The following TRIM44 variants were observed in gnomAD, a reference collection of about 807,000 sequenced individuals.
TRIM44 encodes the protein tripartite motif containing 44.
In TRIM44, 13 loss-of-function variants were observed where a neutral mutation model predicts 37.4. That is an observed-to-expected ratio of 0.35 (90% CI 0.23 to 0.55). The LOEUF is 0.55. TRIM44 is among the 20% of genes least tolerant of loss of function. The probability of loss-of-function intolerance (pLI) is 0.89; values close to 1 mark genes in which losing one functional copy is unlikely to be tolerated. For synonymous variants in TRIM44, 175 were observed against 157.2 expected (o/e 1.11, Z -0.85); for missense variants, 426 against 437.2 (o/e 0.97, Z 0.23).
chr11:35,664,162 G>C (rs1354092165), intron 1 of TRIM44, among the ~76,000 whole-genome samples: 5 of 152,160 alleles, frequency 3.3e-5, no homozygotes, highest in South Asian at 4.1e-4. Context: ...TTGCCTACTT[G>C]AAAACATGGG....
intron 4 of TRIM44, among the ~76,000 whole-genome samples, chr11:35,742,159 T>G (rs1852404943): frequency 6.6e-6 from 1 of 151,824 alleles, no homozygotes; most frequent in South Asian, 2.1e-4. Flanking sequence ...CCCAAGCTGG[T>G]TTTGAACTAC....
chr11:35,797,476 A>G (rs1299171193), intron 4 of TRIM44, among the ~76,000 whole-genome samples: 1 of 152,246 alleles, frequency 6.6e-6, no homozygotes, highest in Non-Finnish European at 1.5e-5. Flanking sequence ...GGAATGGGAA[A>G]AAAGAGTAGC....
intron 4 of TRIM44, among the ~76,000 whole-genome samples, chr11:35,782,861 G>A (rs372013025): frequency 4.1e-4 from 62 of 152,324 alleles, no homozygotes; most frequent in African/African-American, 1.3e-3. Flanking sequence ...CAGCCAATCA[G>A]TAGTATCTGC....
At chr11:35,799,591 AC>A (rs949468589) in intron 4 of TRIM44, among the ~76,000 whole-genome samples, 1 of 152,124 alleles carries the variant, frequency 6.6e-6, no homozygotes. Flanking sequence ...CTCATCTCTT[AC>A]CCAAGTTCAG....
At chr11:35,802,255 T>A (rs1246346992) in intron 4 of TRIM44, among the ~76,000 whole-genome samples, 1 of 152,160 alleles carries the variant, frequency 6.6e-6, no homozygotes, top group African/African-American at 2.4e-5. Flanking sequence ...GATAGATAGA[T>A]AAAACACACA....
intron 3 of TRIM44, among the ~76,000 whole-genome samples, chr11:35,730,406 G>A (rs1852241566): frequency 1.3e-5 from 2 of 152,154 alleles, no homozygotes; most frequent in Non-Finnish European, 2.9e-5. Flanking sequence ...AAGGAAAGTA[G>A]AGCTGAAAAA....
At chr11:35,724,783 C>A (rs1040546171) in intron 2 of TRIM44, among the ~76,000 whole-genome samples, 9 of 152,062 alleles carry the variant, frequency 5.9e-5, no homozygotes, top group African/African-American at 2.2e-4. Flanking sequence ...TTGATATAAT[C>A]CAGTATTGGC....
intron 4 of TRIM44, among the ~76,000 whole-genome samples, chr11:35,740,119 A>AC (rs200119579): frequency 0.035 from 4,949 of 140,330 alleles, 379 homozygotes; most frequent in African/African-American, 0.13. Flanking sequence ...AAAAAAAAAA[A>AC]GGTACCTTTG....
At chr11:35,791,637 C>T (rs1224545081) in intron 4 of TRIM44, among the ~76,000 whole-genome samples, 2 of 152,154 alleles carry the variant, frequency 1.3e-5, no homozygotes, top group South Asian at 2.1e-4. Context: ...AGCTGTTTCA[C>T]ATCTTCAAGA....
chr11:35,798,205 C>T (rs1853318194), intron 4 of TRIM44, among the ~76,000 whole-genome samples: 1 of 152,150 alleles, frequency 6.6e-6, no homozygotes, highest in Non-Finnish European at 1.5e-5. Flanking sequence ...TCCACTGAAT[C>T]AAAGGAAGCA....
At position 35,813,468 on chromosome 11, in the gene TRIM44, C is replaced by T. The variant is rs1311614638; in HGVS notation, c.*7083C>T. 6.6e-6 allele frequency: 1 copy of T among 152,154 alleles called. No individual in the cohort carries two copies. The highest frequency in any genetic ancestry group is 1.5e-5 in the Non-Finnish European group (1 of 68,040). The allele number at this position is 152,154 out of a possible 1,614,324, so 9.4% of individuals were successfully genotyped here. On this transcript the variant is annotated 3_prime_UTR_variant, in exon 5 of 5. Transcript: ENST00000299413. The stretch of plus-strand genomic sequence containing the variant: ...ACCTCCTCAGAACCTATTTGCTCTT[C>T]CTTCACACATATTTCTAACTGTAAA...
At chr11:35,774,668 CT>C (rs1223398839) in intron 4 of TRIM44, among the ~76,000 whole-genome samples, 2 of 152,132 alleles carry the variant, frequency 1.3e-5, no homozygotes, top group Admixed American at 6.5e-5. Flanking sequence ...AGGGATCCAG[CT>C]TCAGCTTCCT....
chr11:35,754,400 C>T (rs1852599998), intron 4 of TRIM44, among the ~76,000 whole-genome samples: 2 of 152,238 alleles, frequency 1.3e-5, no homozygotes, highest in South Asian at 4.1e-4. Context: ...GACTCACTGC[C>T]TGTCTCCCCT....
chr11:35,787,212 G>A (rs1853141823), intron 4 of TRIM44, among the ~76,000 whole-genome samples: 1 of 152,196 alleles, frequency 6.6e-6, no homozygotes, highest in Admixed American at 6.5e-5. Context: ...GGCAACTGAA[G>A]GGGTGGCTCT....
intron 1 of TRIM44, among the ~76,000 whole-genome samples, chr11:35,666,322 G>A (rs1177524252): frequency 2.0e-5 from 3 of 152,050 alleles, no homozygotes; most frequent in Admixed American, 6.5e-5. Flanking sequence ...TTAATATCTG[G>A]TAAAGCAGGT....
chr11:35,723,115 C>T lies in TRIM44; in HGVS notation c.748-2809C>T, dbSNP rs551285417. ...TCTCTCTTTCTCTATCTCTCCTTCT[C>T]TTTCTTTTTCTTGTTTCGACAGATT... is the stretch of plus-strand genomic sequence containing the variant. On this transcript the variant is annotated intron_variant, in intron 2 of 4. Coordinates refer to ENST00000299413, the MANE Select transcript of TRIM44 (RefSeq NM_017583.6). Among the ~76,000 whole-genome samples, 9 of 151,522 alleles carry T rather than the reference C, an allele frequency of 5.9e-5. No homozygotes were observed. In the East Asian group the frequency reaches 1.8e-3, roughly 30 times the overall value.
chr11:35,772,907 G>T (rs948461358), intron 4 of TRIM44, among the ~76,000 whole-genome samples: 5 of 152,212 alleles, frequency 3.3e-5, no homozygotes, highest in Admixed American at 3.3e-4. Flanking sequence ...ATTTAAAGGG[G>T]ACAAGGGCAG....
intron 4 of TRIM44, among the ~76,000 whole-genome samples, chr11:35,749,541 C>T (rs112443020): frequency 8.3e-4 from 127 of 152,246 alleles, no homozygotes; most frequent in African/African-American, 2.9e-3. Flanking sequence ...AAAAATTAGC[C>T]AGGCATGGTT....
intron 4 of TRIM44, among the ~76,000 whole-genome samples, chr11:35,754,655 TC>T (rs1205391384): frequency 1.1e-4 from 10 of 90,228 alleles, no homozygotes; most frequent in Non-Finnish European, 1.6e-4. Context: ...TCCCTCCCCC[TC>T]CCCCCACCCC....
Sources: allele counts gnomAD v4.1 joint callset (sites outside exome capture counted in the v4.1 genomes callset), GRCh38; gene constraint gnomAD v4.1.1; transcripts MANE v1.5; gene names NCBI Gene and HGNC (gene_info 2026-07-23, HGNC 2026-07-21).